The following PDCD6 variants were observed in gnomAD, a reference collection of about 807,000 sequenced individuals.
PDCD6 encodes programmed cell death 6.
Under a neutral mutation model 28.3 loss-of-function variants are expected in PDCD6, and 12 were observed. The observed-to-expected ratio is 0.42, with a 90% CI of 0.27 to 0.69. PDCD6 has a LOEUF of 0.69. Ranked by LOEUF, PDCD6 falls within the 30% of genes least tolerant of loss-of-function variation. The pLI is 0.22. For synonymous variants in PDCD6, 92 were observed against 108.0 expected (o/e 0.85, Z 0.92); for missense variants, 226 against 269.9 (o/e 0.84, Z 1.14).
intron 2 of PDCD6, among the ~76,000 whole-genome samples, chr5:279,099 G>C (rs1339084374): frequency 6.6e-6 from 1 of 152,146 alleles, no homozygotes; most frequent in African/African-American, 2.4e-5. Context: ...AGGGAAGTCA[G>C]CTCAGGCAAA....
chr5:297,360 G>T (rs1203565692), intron 2 of PDCD6, among the ~76,000 whole-genome samples: 5 of 152,176 alleles, frequency 3.3e-5, no homozygotes, highest in African/African-American at 1.2e-4. Flanking sequence ...TAAAGGGTAC[G>T]GATTTCATAA....
chr5:314,840 TA>T lies in PDCD6; in HGVS notation c.*326del, dbSNP rs1741167030. The T allele has an allele frequency of 2.5e-6, 1 of 402,882 alleles. No homozygotes were observed. 25.0% of individuals were successfully genotyped at this position (402,882 alleles called of 1,614,324 possible). ...TCTGGTTCTATAGTGCAAATGCTTT[TA>T]TTAGCCAATAGGAATTTTAAAATAA... is the stretch of plus-strand genomic sequence containing the variant. On this transcript the variant is annotated 3_prime_UTR_variant, in exon 6 of 6. Transcript: ENST00000264933.
chr5:279,796 A>C (rs1370586695), intron 2 of PDCD6, among the ~76,000 whole-genome samples: 26 of 148,622 alleles, frequency 1.7e-4, no homozygotes, highest in Admixed American at 3.3e-4. Context: ...AAAAAAAAAA[A>C]AAAAAAAAAA....
chr5:302,395 C>CTG (rs1561046930), intron 2 of PDCD6, among the ~76,000 whole-genome samples: 15 of 76,190 alleles, frequency 2.0e-4, no homozygotes, highest in African/African-American at 8.3e-4. Context: ...GAGTGCTGCT[C>CTG]TGTGTGTATG....
chr5:296,983 C>G (rs866519650), intron 2 of PDCD6, among the ~76,000 whole-genome samples: 63 of 152,322 alleles, frequency 4.1e-4, no homozygotes, highest in Middle Eastern at 3.4e-3. Flanking sequence ...CCCACGCACA[C>G]CGTGCTGGTC....
At chr5:311,445 G>C (rs753821970) in intron 5 of PDCD6, 43 bp downstream of exon 5, 9 of 1,365,882 alleles carry the variant, frequency 6.6e-6, no homozygotes, top group African/African-American at 1.4e-5. Context: ...GTGGTGGGAG[G>C]GGCTTGCTTG....
intron 2 of PDCD6, among the ~76,000 whole-genome samples, chr5:286,224 T>C (rs563019827): frequency 2.1e-4 from 32 of 150,836 alleles, no homozygotes; most frequent in African/African-American, 7.3e-4. Flanking sequence ...GTGGTGCAGC[T>C]GGCGACCTGG....
chr5:295,271 A>C (rs1281791368), intron 2 of PDCD6, among the ~76,000 whole-genome samples: 1 of 152,214 alleles, frequency 6.6e-6, no homozygotes, highest in Non-Finnish European at 1.5e-5. Context: ...GACATCATCT[A>C]CCTGGGAGCA....
chr5:277,301 ATTTTTTTTTT>A (rs74799424), intron 2 of PDCD6, among the ~76,000 whole-genome samples: 1 of 86,204 alleles, frequency 1.2e-5, no homozygotes, highest in Non-Finnish European at 2.2e-5. Flanking sequence ...AATTTTTTGT[ATTTTTTTTTT>A]TTTTTTTTTT....
intron 2 of PDCD6, among the ~76,000 whole-genome samples, chr5:294,922 G>A (rs570790342): frequency 1.3e-5 from 2 of 152,060 alleles, no homozygotes; most frequent in Non-Finnish European, 2.9e-5. Flanking sequence ...AGCTAGTTTC[G>A]GTGCGCACAG....
chr5:289,575 A>G, intron 2 of PDCD6: 3 of 851,432 alleles, frequency 3.5e-6, no homozygotes, highest in Non-Finnish European at 6.1e-6. Flanking sequence ...CTTTTTTGTC[A>G]AACATGAGTC....
chr5:283,355 A>ATGTTGTAGTTTGAGTGTCTTGCAGCTGC (rs1286912378), intron 2 of PDCD6, among the ~76,000 whole-genome samples: 626 of 127,402 alleles, frequency 4.9e-3, no homozygotes, highest in African/African-American at 0.016. Context: ...CATGGAGGTG[A>ATGTTGTAGTTTGAGTGTCTTGCAGCTGC]AAACCCGGAG....
rs1208891044 is a variant in PDCD6, at chr5:305,528, CATGGGGAGCTACCTCCCCACCGGAGAGGA to C, written c.209-1069_209-1041del. ...TTTAGTGCTAGAAAAGGTGTTGATA[CATGGGGAGCTACCTCCCCACCGGAGAGGA>C]ATGGCCTGGGAGCCACTCCTCTGCG... On this transcript the variant is annotated intron_variant, in intron 3 of 5. Transcript: ENST00000264933. The surrounding 1 kb of genome is among the most constrained non-coding windows in gnomAD (Gnocchi z 4.0). 2.0e-5 allele frequency: 3 copies of C among 152,170 alleles called. No individual in the cohort carries two copies. Among genetic ancestry groups the C allele is most frequent in the African/African-American group, 7.2e-5 (3 of 41,426 alleles). The allele number at this position is 152,170 out of a possible 1,614,324, so 9.4% of individuals were successfully genotyped here.
intron 2 of PDCD6, among the ~76,000 whole-genome samples, chr5:283,955 G>C (rs1327393610): frequency 6.6e-6 from 1 of 152,040 alleles, no homozygotes; most frequent in Non-Finnish European, 1.5e-5. Flanking sequence ...TAGCTTGAGG[G>C]ACCTACAGCT....
intron 2 of PDCD6, among the ~76,000 whole-genome samples, chr5:294,572 A>G (rs1739487994): frequency 6.6e-6 from 1 of 152,282 alleles, no homozygotes; most frequent in Non-Finnish European, 1.5e-5. Context: ...ATGCAGAGGA[A>G]CTGGGACCCT....
chr5:302,802 A>C (rs1033518952), intron 2 of PDCD6, among the ~76,000 whole-genome samples: 2 of 123,878 alleles, frequency 1.6e-5, no homozygotes, highest in South Asian at 5.3e-4. Context: ...TGTGTGGGCC[A>C]CAGGTTCAGG....
rs1285989701 is a variant in PDCD6 at position 314,690 on chromosome 5, ATAG to A, written c.*179_*181del. 1 of 691,820 alleles carries A rather than the reference ATAG, an allele frequency of 1.4e-6. No homozygotes were observed. Among genetic ancestry groups the A allele is most frequent in the Non-Finnish European group, 2.6e-6 (1 of 377,796 alleles). The allele number at this position is 691,820 out of a possible 1,614,324, so 42.9% of individuals were successfully genotyped here. On this transcript the variant is annotated 3_prime_UTR_variant, in exon 6 of 6. Transcript: ENST00000264933. ...GCTGATTAATGGTTTTGCAACTGTAATAGTAGCTGTATCGTTCTAATGCAGACA... is the reference window on the plus strand; with the variant it reads ...GCTGATTAATGGTTTTGCAACTGTAATAGCTGTATCGTTCTAATGCAGACA...
rs376619414 is a variant in PDCD6 at position 300,623 on chromosome 5, C to T, written c.164-3554C>T. Among the ~76,000 whole-genome samples, 14 of 152,344 alleles carry T rather than the reference C, an allele frequency of 9.2e-5. No individual in the cohort carries two copies. In the South Asian group the frequency reaches 2.7e-3, roughly 29 times the overall value. ...GCGGTTGCCCAGGTATGTCTAGCACCTAATGTAACCGAGGCGTGAAATGCC... is the reference window on the plus strand; with the variant it reads ...GCGGTTGCCCAGGTATGTCTAGCACTTAATGTAACCGAGGCGTGAAATGCC... On this transcript the variant is annotated intron_variant, in intron 2 of 5. Transcript: ENST00000264933.
intron 4 of PDCD6, chr5:309,481 T>C (rs915938532): frequency 5.4e-6 from 1 of 185,598 alleles, no homozygotes; most frequent in Non-Finnish European, 1.1e-5. Flanking sequence ...TTGCTCCTGT[T>C]GTCTGTGCAG....
Sources: gnomAD v4.1 joint callset for allele counts (sites outside exome capture counted in the v4.1 genomes callset) on GRCh38, gnomAD v4.1.1 for gene constraint, Gnocchi (gnomAD v3.1) non-coding constraint, MANE v1.5 for transcripts, NCBI Gene and HGNC (gene_info 2026-07-23, HGNC 2026-07-21) for gene names.